Variants in TBC1D30 observed in about 807,000 individuals in gnomAD.
TBC1D30 encodes the protein TBC1 domain family member 30.
In TBC1D30, 31 loss-of-function variants were observed where a neutral mutation model predicts 63.2. That is an observed-to-expected ratio of 0.49 (90% CI 0.37 to 0.66). The LOEUF (loss-of-function observed/expected upper bound fraction) is 0.66, where lower values mean the gene tolerates loss of function less well. TBC1D30 is among the 30% of genes least tolerant of loss of function. The pLI, the probability that TBC1D30 is intolerant of heterozygous loss-of-function variation, is 0.00. For missense variants in TBC1D30, 810 were observed against 953.6 expected, an observed-to-expected ratio of 0.85 and a Z score of 1.98; for synonymous variants, 307 against 361.5, an observed-to-expected ratio of 0.85 and a Z score of 1.71.
At chr12:64,859,772 T>A (rs1315366924) in intron 8 of TBC1D30, among the ~76,000 whole-genome samples, 2 of 152,108 alleles carry the variant, frequency 1.3e-5, no homozygotes, top group Non-Finnish European at 2.9e-5. Flanking sequence ...TCCAAGGTGT[T>A]CCTGCTATTT....
chr12:64,804,283 GCTCT>G (rs1344358079), intron 2 of TBC1D30, among the ~76,000 whole-genome samples: 8 of 152,088 alleles, frequency 5.3e-5, no homozygotes, highest in South Asian at 2.1e-4. Flanking sequence ...TCATGATTTC[GCTCT>G]CTGTCTGTTA....
chr12:64,862,549 T>A (rs1175958800), intron 8 of TBC1D30, among the ~76,000 whole-genome samples: 1 of 152,128 alleles, frequency 6.6e-6, no homozygotes, highest in Middle Eastern at 3.2e-3. Flanking sequence ...AGGGGGAGGA[T>A]GTACTTCCCT....
upstream of TBC1D30, among the ~76,000 whole-genome samples, chr12:64,780,184 C>T (rs1420525729): frequency 6.6e-6 from 1 of 152,144 alleles, no homozygotes; most frequent in African/African-American, 2.4e-5. Flanking sequence ...GTTATTAAGT[C>T]CCAGATATTT....
intron 8 of TBC1D30, among the ~76,000 whole-genome samples, chr12:64,864,296 G>T (rs1878034125): frequency 6.6e-6 from 1 of 152,250 alleles, no homozygotes; most frequent in Non-Finnish European, 1.5e-5. Flanking sequence ...GCTGTGAAAA[G>T]TAAGCACTAC....
intron 3 of TBC1D30, among the ~76,000 whole-genome samples, chr12:64,828,911 C>CAAGT (rs547609731): frequency 3.0e-4 from 46 of 151,906 alleles, no homozygotes; most frequent in Non-Finnish European, 5.1e-4. Flanking sequence ...GCCAGCCATG[C>CAAGT]AAGTACCTGG....
At chr12:64,859,764 C>CA (rs11386705) in intron 8 of TBC1D30, among the ~76,000 whole-genome samples, 6,490 of 152,160 alleles carry the variant, frequency 0.043, 453 homozygotes, top group African/African-American at 0.15. Flanking sequence ...CTGACCTATC[C>CA]AAGGTGTTCC....
intron 2 of TBC1D30, among the ~76,000 whole-genome samples, chr12:64,790,309 T>G (rs1439375001): frequency 2.6e-5 from 4 of 152,150 alleles, no homozygotes; most frequent in Non-Finnish European, 1.5e-5. Context: ...CCTAAAAGCT[T>G]CAAGGCACAA....
At position 64,832,149 on chromosome 12, in the gene TBC1D30, T is replaced by A; in HGVS notation, c.439T>A (p.Cys147Ser). ...DLHRTGCSSY[C>S]GQEAEQDRVV... ...TCACCGCACAGGCTGTAGTTCTTAC[T>A]GTGGCCAGGAGGCTGAGCAGGACAG... The change falls in exon 5 of 12, where the codon TGT becomes AGT. Residue 147 changes from cysteine to serine, a missense_variant. Transcript: ENST00000539867. 1 of 1,536,022 alleles carries A rather than the reference T, an allele frequency of 6.5e-7. No individual in the cohort carries two copies. The highest frequency in any genetic ancestry group is 8.7e-7 in the Non-Finnish European group (1 of 1,146,806).
intron 1 of TBC1D30, among the ~76,000 whole-genome samples, chr12:64,782,377 C>A (rs1187629650): frequency 6.7e-6 from 1 of 149,790 alleles, no homozygotes; most frequent in East Asian, 1.9e-4. Context: ...CCTCTTTTGA[C>A]TTCCTAGTGA....
chr12:64,798,434 T>C (rs1303363980), intron 2 of TBC1D30, among the ~76,000 whole-genome samples: 4 of 152,190 alleles, frequency 2.6e-5, no homozygotes, highest in Admixed American at 2.6e-4. Context: ...TTCCAATGAG[T>C]CTTACACTGT....
At chr12:64,780,108 G>C (rs907439936), upstream of TBC1D30, among the ~76,000 whole-genome samples, 1 of 152,180 alleles carries the variant, frequency 6.6e-6, no homozygotes, top group Non-Finnish European at 1.5e-5. Context: ...GTTACATCTT[G>C]TATCAGGGAA....
chr12:64,819,519 C>T (rs56739324), intron 2 of TBC1D30, among the ~76,000 whole-genome samples: 10,680 of 146,992 alleles, frequency 0.073, 490 homozygotes, highest in Non-Finnish European at 0.11. Context: ...CAGGTTCAAG[C>T]GATTCTCCTG....
chr12:64,825,429 G>A (rs1461049371), intron 1 of TBC1D30: 2 of 188,130 alleles, frequency 1.1e-5, no homozygotes, highest in Non-Finnish European at 2.2e-5. Flanking sequence ...GGGGCGGAGA[G>A]TGGCACAGGT....
intron 8 of TBC1D30, among the ~76,000 whole-genome samples, chr12:64,862,226 C>T (rs1877851555): frequency 6.6e-6 from 1 of 152,228 alleles, no homozygotes. Flanking sequence ...AGATTTCCGA[C>T]ACCCTGAGTG....
At chr12:64,823,358 G>A (rs1874009239), upstream of TBC1D30, among the ~76,000 whole-genome samples, 1 of 152,216 alleles carries the variant, frequency 6.6e-6, no homozygotes. Context: ...CAACTTAAGA[G>A]AGAATTATTT....
intron 2 of TBC1D30, among the ~76,000 whole-genome samples, chr12:64,800,233 T>C (rs558291761): frequency 6.6e-6 from 1 of 152,298 alleles, no homozygotes; most frequent in African/African-American, 2.4e-5. Flanking sequence ...TTTGGGATAC[T>C]CTTGGTAATC....
intron 10 of TBC1D30, among the ~76,000 whole-genome samples, chr12:64,870,318 A>G (rs903677385): frequency 2.0e-5 from 3 of 152,204 alleles, no homozygotes; most frequent in Non-Finnish European, 4.4e-5. Flanking sequence ...TTCATCTGGA[A>G]GCAGTTGATG....
chr12:64,878,759 A>C lies in TBC1D30; in HGVS notation c.*2971A>C. 5.8e-6 allele frequency: 2 copies of C among 342,822 alleles called. No individual in the cohort carries two copies. Among genetic ancestry groups the C allele is most frequent in the South Asian group, 4.6e-5 (2 of 43,388 alleles). 21.2% of individuals were successfully genotyped at this position (342,822 alleles called of 1,614,324 possible). A position where few individuals can be genotyped will look rare whatever the true frequency, so the allele number is the denominator to read the frequency against. On this transcript the variant is annotated 3_prime_UTR_variant, in exon 12 of 12. Coordinates refer to ENST00000539867, the MANE Select transcript of TBC1D30 (RefSeq NM_015279.2). ...TCACATGAACCAGGGAAACAGCCCA[A>C]TAAGCTCTATCTCCCCCAGTCTAAT...
At chr12:64,845,455 G>C (rs74665317) in intron 8 of TBC1D30, among the ~76,000 whole-genome samples, 3,811 of 152,222 alleles carry the variant, frequency 0.025, 75 homozygotes, top group Non-Finnish European at 0.033. Flanking sequence ...GGCTGAGCGC[G>C]GTGGCTCATG....
Sources: gnomAD v4.1 joint callset for allele counts (sites outside exome capture counted in the v4.1 genomes callset) on GRCh38, gnomAD v4.1.1 for gene constraint, MANE v1.5 for transcripts, NCBI Gene and HGNC (gene_info 2026-07-23, HGNC 2026-07-21) for gene names.